TLE2: variants seen among roughly 807,000 people sequenced by gnomAD.
TLE2 encodes TLE family member 2, transcriptional corepressor.
TLE2 carries 74 observed loss-of-function variants against 97.2 expected under a neutral mutation model. The observed-to-expected ratio is 0.76, with a 90% CI of 0.63 to 0.92. The LOEUF (loss-of-function observed/expected upper bound fraction) is 0.92, where lower values mean the gene tolerates loss of function less well. Ranked by LOEUF, TLE2 falls within the 40% of genes least tolerant of loss-of-function variation. The probability of loss-of-function intolerance (pLI) is 0.00; values close to 1 mark genes in which losing one functional copy is unlikely to be tolerated. For missense variants in TLE2, 1,038 were observed against 1,008.7 expected (o/e 1.03, Z -0.39); for synonymous variants, 499 against 432.1 (o/e 1.15, Z -1.92).
Position 3,006,484 on chromosome 19 carries a change from C to G in TLE2, c.1436G>C (p.Cys479Ser). The G allele has an allele frequency of 6.2e-7, 1 of 1,610,798 alleles. No homozygotes were observed. Residue 479 changes from cysteine (C) to serine (S), a missense_variant, in exon 15 of 20, where the codon TGT (cysteine) becomes TCT (serine). Coordinates refer to ENST00000262953, the MANE Select transcript of TLE2 (RefSeq NM_003260.5). The stretch of plus-strand genomic sequence containing the variant: ...CTGGCCCACGTCCCACACCTTCACA[C>G]AGCCCTTGCCGCCCGTGTACACATG... Reference protein sequence around the residue: ...TQHVYTGGKGCVKVWDVGQPG... With the variant: ...TQHVYTGGKGSVKVWDVGQPG...
At chr19:3,008,982 G>T in intron 13 of TLE2, 37 bp from the exon 14 acceptor site, 1 of 1,519,194 alleles carries the variant, frequency 6.6e-7, no homozygotes, top group South Asian at 1.3e-5. Flanking sequence ...TGAGGCAGGT[G>T]ACTCCAACCC....
chr19:3,025,389 GCTCAGACACCCAA>G (rs1214928554), intron 4 of TLE2: 1 of 1,180,416 alleles, frequency 8.5e-7, no homozygotes, highest in Non-Finnish European at 1.0e-6. Context: ...GGAGGCAGAC[GCTCAGACACCCAA>G]CTCAGACGCA....
chr19:3,030,022 G>T (rs979277424), upstream of TLE2, among the ~76,000 whole-genome samples: 2 of 152,152 alleles, frequency 1.3e-5, no homozygotes, highest in Admixed American at 1.3e-4. Flanking sequence ...GCCCAGGCTG[G>T]TCTTGAACTC....
At chr19:3,014,676 C>A in intron 9 of TLE2, 62 bp from the exon 10 acceptor site, 3 of 1,457,094 alleles carry the variant, frequency 2.1e-6, no homozygotes, top group South Asian at 1.4e-5. Context: ...ACCCCCTATC[C>A]GCTCCTCAGG....
Position 3,028,968 on chromosome 19 carries a change from G to T in TLE2, c.-64C>A, listed in dbSNP as rs1460640904. 1.9e-6 allele frequency: 3 copies of T among 1,581,846 alleles called. No individual in the cohort carries two copies. Among genetic ancestry groups the T allele is most frequent in the Non-Finnish European group, 2.6e-6 (3 of 1,165,336 alleles). ...TTGATGATATGGAGGCGGCAAGAGT[G>T]GGGGAGGCTGAAGTGGGGTGGTGGG... is the stretch of plus-strand genomic sequence containing the variant. On this transcript the variant is annotated 5_prime_UTR_variant, in exon 1 of 20. Transcript: ENST00000262953.
At chr19:3,021,116 G>C (rs933312241) in intron 5 of TLE2, among the ~76,000 whole-genome samples, 3 of 64,480 alleles carry the variant, frequency 4.7e-5, no homozygotes, top group Non-Finnish European at 6.4e-5. Context: ...AAAAAAAAAG[G>C]GGGGGGGGTG....
Position 3,028,302 on chromosome 19 carries a change from A to G in TLE2, c.186+17T>C, listed in dbSNP as rs200289348. ...TGCCCGCCTCTCCCCTCACCCTGGC[A>G]TCATAAGTGCCCTCACCATGACATA... On this transcript the variant is annotated intron_variant, in intron 3 of 19. Coordinates refer to ENST00000262953, the MANE Select transcript of TLE2 (RefSeq NM_003260.5). The G allele has an allele frequency of 3.0e-3, 4,744 of 1,602,684 alleles. 13 individuals are homozygous for G. The highest frequency in any genetic ancestry group is 4.0e-3 in the South Asian group (356 of 89,020).
At chr19:3,041,014 T>TATATATATTA (rs55998855) in intron 1 of TLE2, among the ~76,000 whole-genome samples, 1 of 20,168 alleles carries the variant, frequency 5.0e-5, no homozygotes, top group Non-Finnish European at 8.4e-5. Flanking sequence ...TATATATATA[T>TATATATATTA]TTTTTTTTTT....
chr19:3,026,860 T>G (rs1218808211), intron 4 of TLE2, among the ~76,000 whole-genome samples: 2 of 152,218 alleles, frequency 1.3e-5, no homozygotes, highest in Non-Finnish European at 1.5e-5. Context: ...TTGAGGTCTA[T>G]CTCAGAACTC....
upstream of TLE2, among the ~76,000 whole-genome samples, chr19:3,032,802 T>C (rs1388997100): frequency 6.6e-6 from 1 of 152,114 alleles, no homozygotes; most frequent in Non-Finnish European, 1.5e-5. The surrounding 1 kb of genome is among the most constrained non-coding windows in gnomAD (Gnocchi z 4.1). Context: ...TGTGAAGTGC[T>C]GATTCCAAAC....
intron 5 of TLE2, 138 bp downstream of exon 5, chr19:3,024,882 C>A: frequency 1.4e-6 from 1 of 716,402 alleles, no homozygotes; most frequent in Admixed American, 2.6e-5. Context: ...TGCGGGACTA[C>A]TGCAGTGAAA....
At position 3,017,018 on chromosome 19, in the gene TLE2, T is replaced by C. The variant is rs550214913; in HGVS notation, c.570+822A>G. ...GTCTCGAACTCCTGACCTCAAGTGA[T>C]CCACCCACCTTGGCCTCCCAAAGTA... On this transcript the variant is annotated intron_variant, in intron 8 of 19. Transcript: ENST00000262953. Among the ~76,000 whole-genome samples, 20 of 152,252 alleles carry C rather than the reference T, an allele frequency of 1.3e-4. No homozygotes were observed. In the South Asian group the frequency reaches 4.1e-3, roughly 32 times the overall value.
In TLE2 at chr19:3,025,238, G is replaced by A. The variant is rs1041740280; in HGVS notation, c.232-156C>T. 73 of 1,072,716 alleles carry A rather than the reference G, an allele frequency of 6.8e-5. No homozygotes were observed. The Admixed American group carries it at 8.8e-4, about 13-fold the overall frequency. The allele number at this position is 1,072,716 out of a possible 1,614,324, so 66.4% of individuals were successfully genotyped here. A position where few individuals can be genotyped will look rare whatever the true frequency, so the allele number is the denominator to read the frequency against. ...AACTCAGGCTAGCATGGCATGGGCC[G>A]AGGTGGGATTCAGAGCCCCACCAGG... On this transcript the variant is annotated intron_variant, in intron 4 of 19. Transcript: ENST00000262953.
intron 1 of TLE2, among the ~76,000 whole-genome samples, chr19:3,044,697 G>A (rs1320796924): frequency 1.3e-5 from 2 of 152,228 alleles, no homozygotes; most frequent in Non-Finnish European, 2.9e-5. Context: ...TGGGATTACA[G>A]GCGTGAGCCA....
At chr19:3,017,061 A>G (rs1223706688) in intron 8 of TLE2, among the ~76,000 whole-genome samples, 1 of 150,692 alleles carries the variant, frequency 6.6e-6, no homozygotes, top group Non-Finnish European at 1.5e-5. Flanking sequence ...TTTAAACACT[A>G]CAGCCTTCTG....
At chr19:3,027,556 G>A (rs911129259) in intron 4 of TLE2, among the ~76,000 whole-genome samples, 1 of 152,188 alleles carries the variant, frequency 6.6e-6, no homozygotes, top group Non-Finnish European at 1.5e-5. Flanking sequence ...CCTTGATGGG[G>A]ATGCCTGGTG....
At chr19:3,004,943 T>C (rs929901642) in intron 17 of TLE2, among the ~76,000 whole-genome samples, 1 of 152,018 alleles carries the variant, frequency 6.6e-6, no homozygotes, top group African/African-American at 2.4e-5. Context: ...AGCCCCCAGC[T>C]CTGTCCAGCC....
At chr19:3,039,409 C>A (rs1465955640) in intron 1 of TLE2, among the ~76,000 whole-genome samples, 1 of 152,062 alleles carries the variant, frequency 6.6e-6, no homozygotes, top group Non-Finnish European at 1.5e-5. Context: ...CCACACAGGC[C>A]TTCTCCCTCT....
At chr19:3,020,458 C>A (rs2089815043) in intron 5 of TLE2, 2 of 151,752 alleles carry the variant, frequency 1.3e-5, no homozygotes, top group Non-Finnish European at 2.9e-5. Context: ...AAAAAAAAAA[C>A]ACTGTGATAA....
Sources: gnomAD v4.1 joint callset for allele counts (sites outside exome capture counted in the v4.1 genomes callset) on GRCh38, gnomAD v4.1.1 for gene constraint, Gnocchi (gnomAD v3.1) non-coding constraint, MANE v1.5 for transcripts, NCBI Gene and HGNC (gene_info 2026-07-23, HGNC 2026-07-21) for gene names.